TNRC6C: variants seen among roughly 807,000 people sequenced by gnomAD.
TNRC6C encodes trinucleotide repeat-containing gene 6C protein.
A neutral mutation model predicts 153.7 loss-of-function variants in TNRC6C; 20 were observed. The observed-to-expected ratio is 0.13, with a 90% CI of 0.09 to 0.19. The LOEUF is 0.19. TNRC6C is among the 10% of genes least tolerant of loss of function. The pLI is 1.00. For synonymous variants in TNRC6C, 811 were observed against 841.4 expected, an observed-to-expected ratio of 0.96 and a Z score of 0.63; for missense variants, 1,987 against 2,172.0, an observed-to-expected ratio of 0.91 and a Z score of 1.69.
intron 3 of TNRC6C, among the ~76,000 whole-genome samples, chr17:78,058,201 G>A (rs536496507): frequency 3.9e-5 from 6 of 152,242 alleles, no homozygotes; most frequent in African/African-American, 9.6e-5. Flanking sequence ...CTATTAAGTC[G>A]TCATAAAATC....
At chr17:77,999,078 C>T (rs901336354) in intron 1 of TNRC6C, among the ~76,000 whole-genome samples, 13 of 152,178 alleles carry the variant, frequency 8.5e-5, no homozygotes, top group African/African-American at 2.9e-4. Context: ...GATCTCACAG[C>T]CTTTGTTCTG....
exon 2 of TNRC6C, chr17:78,031,770 G>A: frequency 8.1e-7 from 1 of 1,232,292 alleles, no homozygotes; most frequent in Non-Finnish European, 1.0e-6. Flanking sequence ...CCAGGGTGCT[G>A]GGCCTGCAGG....
At chr17:78,039,057 A>G (rs1176713751) in intron 2 of TNRC6C, among the ~76,000 whole-genome samples, 1 of 152,222 alleles carries the variant, frequency 6.6e-6, no homozygotes, top group Non-Finnish European at 1.5e-5. Flanking sequence ...TGACGACTGA[A>G]TGCTCTGCAT....
At chr17:78,068,149 G>A (rs143567593) in intron 5 of TNRC6C, among the ~76,000 whole-genome samples, 5 of 152,324 alleles carry the variant, frequency 3.3e-5, no homozygotes, top group Non-Finnish European at 5.9e-5. Flanking sequence ...CCGGTATAGG[G>A]TAGAGGTGTC....
chr17:78,026,557 G>A (rs545579644), intron 1 of TNRC6C, among the ~76,000 whole-genome samples: 1 of 152,224 alleles, frequency 6.6e-6, no homozygotes, highest in Non-Finnish European at 1.5e-5. Flanking sequence ...TTGATGAAAT[G>A]TGGTGGTTAG....
chr17:78,077,018 C>A, intron 8 of TNRC6C, 167 bp from the exon 11 acceptor site: 1 of 714,196 alleles, frequency 1.4e-6, no homozygotes, highest in Admixed American at 3.3e-5. Context: ...ATTTCTTTTT[C>A]TTTTTCCCCT....
chr17:78,047,725 G>T (rs1207365138), intron 2 of TNRC6C, among the ~76,000 whole-genome samples: 16 of 152,142 alleles, frequency 1.1e-4, no homozygotes, highest in Non-Finnish European at 2.4e-4. Context: ...TTTGTATATT[G>T]TAGTATTTAG....
intron 1 of TNRC6C, among the ~76,000 whole-genome samples, chr17:78,029,767 G>A (rs2072023923): frequency 1.3e-5 from 2 of 150,772 alleles, no homozygotes; most frequent in Admixed American, 6.6e-5. Context: ...TCTTTTCTGT[G>A]TTTAATTTTT....
chr17:78,051,182 C>A (rs868380749), exon 3 of TNRC6C: 1 of 1,575,548 alleles, frequency 6.3e-7, no homozygotes, highest in East Asian at 2.3e-5. Context: ...AGCAGTGAAG[C>A]AACTGGCTGG....
intron 1 of TNRC6C, among the ~76,000 whole-genome samples, chr17:77,959,780 T>TA (rs565469279): frequency 6.6e-6 from 1 of 151,912 alleles, no homozygotes; most frequent in Non-Finnish European, 1.5e-5. Flanking sequence ...GACTGCGGAG[T>TA]AATGCGTATG....
At chr17:77,969,318 C>T (rs958183362) in intron 1 of TNRC6C, among the ~76,000 whole-genome samples, 5 of 151,814 alleles carry the variant, frequency 3.3e-5, no homozygotes, top group Non-Finnish European at 7.4e-5. Context: ...GGCGCAATCT[C>T]GGCTCACTGC....
intron 9 of TNRC6C, chr17:78,077,789 A>G (rs1478693430): frequency 5.7e-6 from 1 of 174,402 alleles, no homozygotes. Flanking sequence ...GGTTCTCAGG[A>G]GTCACACTGG....
rs992250479 is a variant in TNRC6C at position 78,051,313 on chromosome 17, G to T, written c.2251G>T (p.Val751Phe). 3 of 1,551,452 alleles carry T rather than the reference G, an allele frequency of 1.9e-6. No individual in the cohort carries two copies. In the African/African-American group the frequency reaches 4.1e-5, roughly 21 times the overall value. Residue 751 changes from valine to phenylalanine, a missense_variant, in exon 3 of 20, where the codon GTC (valine) becomes TTC (phenylalanine). By Grantham distance (50) the Val-to-Phe change is conservative. Transcript: ENST00000301624. ...AAACATGTGGGATAGAAACAACCCG[G>T]TCATCCAGAGCAGTACCACGACCAA...
intron 3 of TNRC6C, among the ~76,000 whole-genome samples, chr17:78,052,248 C>G (rs1352587600): frequency 1.3e-5 from 2 of 152,002 alleles, no homozygotes; most frequent in Non-Finnish European, 2.9e-5. Context: ...AGCAGCAGCA[C>G]GAGTAGAGAG....
At chr17:78,061,750 T>C (rs760045088) in intron 3 of TNRC6C, among the ~76,000 whole-genome samples, 16 of 152,228 alleles carry the variant, frequency 1.1e-4, no homozygotes, top group Non-Finnish European at 1.8e-4. Flanking sequence ...CAAGTGTTCT[T>C]CCATTTCTAA....
chr17:78,077,450 T>A, intron 9 of TNRC6C, 116 bp downstream of exon 11: 1 of 1,342,946 alleles, frequency 7.4e-7, no homozygotes, highest in South Asian at 1.3e-5. Flanking sequence ...TAAATGTGAC[T>A]GAAAAAGTAG....
intron 9 of TNRC6C, chr17:78,077,583 G>A: frequency 1.8e-6 from 1 of 545,756 alleles, no homozygotes; most frequent in African/African-American, 1.9e-5. Context: ...CAGCACCCTT[G>A]GTGCTAACTT....
Position 78,049,287 on chromosome 17 carries a change from C to T in TNRC6C, c.225C>T (p.Asp75=), listed in dbSNP as rs762694421. ...TCAGTGGTGGGGATGGAAAAATGGA[C>T]ACTATGATTGGAGATGGGAGAAGTC... The change falls in exon 3 of 20, where the codon GAC becomes GAT. Residue 75 remains aspartate (D), a synonymous_variant. Transcript: ENST00000301624. This position sits in a 1 kb window ranked among gnomAD's most constrained non-coding sequence, Gnocchi z 4.1. 1.2e-6 allele frequency: 2 copies of T among 1,613,190 alleles called. No individual in the cohort carries two copies. Among genetic ancestry groups the T allele is most frequent in the Admixed American group, 3.3e-5 (2 of 59,978 alleles).
chr17:77,968,047 A>G (rs1371403629), intron 1 of TNRC6C, among the ~76,000 whole-genome samples: 1 of 152,014 alleles, frequency 6.6e-6, no homozygotes, highest in Admixed American at 6.6e-5. Flanking sequence ...TCTTATTCTT[A>G]TTTTGAGACA....
Sources: gnomAD v4.1 joint callset for allele counts (sites outside exome capture counted in the v4.1 genomes callset) on GRCh38, gnomAD v4.1.1 for gene constraint, Gnocchi (gnomAD v3.1) non-coding constraint, MANE v1.5 for transcripts, NCBI Gene and HGNC (gene_info 2026-07-23, HGNC 2026-07-21) for gene names.